SLC33A1: variants seen among roughly 807,000 people sequenced by gnomAD.
SLC33A1 encodes the protein acetyl-coenzyme A transporter 1.
SLC33A1 carries 20 observed loss-of-function variants against 50.0 expected under a neutral mutation model. That is an observed-to-expected ratio of 0.40 (90% CI 0.28 to 0.58). SLC33A1 has a LOEUF of 0.58. SLC33A1 is among the 20% of genes least tolerant of loss of function. The probability of loss-of-function intolerance (pLI) is 0.44; values close to 1 mark genes in which losing one functional copy is unlikely to be tolerated. For synonymous variants in SLC33A1, 265 were observed against 251.8 expected, an observed-to-expected ratio of 1.05 and a Z score of -0.50; for missense variants, 476 against 657.0, an observed-to-expected ratio of 0.72 and a Z score of 3.01.
chr3:155,833,290 G>A (rs1752520212), intron 4 of SLC33A1, among the ~76,000 whole-genome samples, 178 bp downstream of exon 4: 1 of 152,104 alleles, frequency 6.6e-6, no homozygotes, highest in Non-Finnish European at 1.5e-5. Context: ...CTCTTTCTAT[G>A]AACAGCAGAA....
rs1236274749 is a variant in SLC33A1, at chr3:155,833,902, G to C, written c.1103C>G (p.Ala368Gly). ...AAATGTGTTTAATGGCTGGGGACCT[G>C]CAGTGTATTTGCTGATAATCAGAGG... ...ILPLIISKYT[A>G]GPQPLNTFYK... The change falls in exon 3 of 6, where the codon GCA (alanine) becomes GGA (glycine). Residue 368 changes from alanine to glycine, a missense_variant. Coordinates refer to ENST00000643144, the MANE Select transcript of SLC33A1 (RefSeq NM_004733.4). 1 of 1,613,794 alleles carries C rather than the reference G, an allele frequency of 6.2e-7. No homozygotes were observed. The highest frequency in any genetic ancestry group is 2.2e-5 in the East Asian group (1 of 44,854).
Position 155,853,495 on chromosome 3 carries a change from T to G in SLC33A1, c.503A>C (p.Asn168Thr). 6.2e-7 allele frequency: 1 copy of G among 1,614,092 alleles called. No individual in the cohort carries two copies. The highest frequency in any genetic ancestry group is 8.5e-7 in the Non-Finnish European group (1 of 1,180,002). ...LSTQVDRLLGNTDDRTPDVIA... is the reference protein window; with the variant it reads ...LSTQVDRLLGTTDDRTPDVIA... ...CACGTCGGGTGTTCTGTCATCGGTA[T>G]TCCCAAGCAAACGGTCCACCTGAGT... Residue 168 changes from asparagine to threonine, a missense_variant, in exon 1 of 6, where the codon AAT becomes ACT. Coordinates refer to ENST00000643144, the MANE Select transcript of SLC33A1 (RefSeq NM_004733.4).
At chr3:155,837,229 G>A (rs768579363) in intron 2 of SLC33A1, among the ~76,000 whole-genome samples, 4 of 151,976 alleles carry the variant, frequency 2.6e-5, no homozygotes, top group Admixed American at 6.6e-5. Context: ...GGTGGTGGGT[G>A]CCTGTAGTCC....
In SLC33A1 at chr3:155,827,442, A is replaced by T. The variant is rs1752234679; in HGVS notation, c.*768T>A. On this transcript the variant is annotated 3_prime_UTR_variant, in exon 6 of 6. Transcript: ENST00000643144. ...GTGTGCCAGGAAGCACTTGTGACAG[A>T]AAACATATATAAGCTTAGGGTAAAA... 2 of 152,196 alleles carry T rather than the reference A, an allele frequency of 1.3e-5. No individual in the cohort carries two copies. The highest frequency in any genetic ancestry group is 2.9e-5 in the Non-Finnish European group (2 of 68,032). 9.4% of individuals were successfully genotyped at this position (152,196 alleles called of 1,614,324 possible).
intron 4 of SLC33A1, among the ~76,000 whole-genome samples, chr3:155,830,987 G>A (rs1394591258): frequency 6.6e-6 from 1 of 152,104 alleles, no homozygotes; most frequent in Non-Finnish European, 1.5e-5. Context: ...GAGTTCCAAA[G>A]TCAAATAAGA....
chr3:155,833,521 C>T lies in SLC33A1; in HGVS notation c.1213G>A (p.Gly405Arg), dbSNP rs774339001. The change falls in exon 4 of 6, where the codon GGA (glycine) becomes AGA (arginine). Residue 405 changes from glycine (G) to arginine (R), a missense_variant. Physicochemically the swap from Gly to Arg is moderately radical, Grantham distance 125 (BLOSUM62 -2). Transcript: ENST00000643144. The part of the protein sequence containing the change: ...WWTPKVEHQG[G>R]FPIYYYIVVL... ...ACGATATAGTAATATATAGGGAATCCCCCTTGATGTTCTACTTTAGGAGTC... is the reference window on the plus strand; with the variant it reads ...ACGATATAGTAATATATAGGGAATCTCCCTTGATGTTCTACTTTAGGAGTC... 1.9e-6 allele frequency: 3 copies of T among 1,604,096 alleles called. No individual in the cohort carries two copies. The highest frequency in any genetic ancestry group is 2.7e-5 in the African/African-American group (2 of 74,642).
chr3:155,847,996 A>C (rs1490510812), intron 1 of SLC33A1, among the ~76,000 whole-genome samples: 2 of 152,070 alleles, frequency 1.3e-5, no homozygotes, highest in Non-Finnish European at 2.9e-5. Context: ...ACCCAAATAC[A>C]CTGCTCCCTA....
Position 155,821,507 on chromosome 3 carries a change from C to T in SLC33A1, c.*6703G>A, listed in dbSNP as rs1323043245. 6.6e-6 allele frequency: 1 copy of T among 152,184 alleles called. No homozygotes were observed. The highest frequency in any genetic ancestry group is 2.4e-5 in the African/African-American group (1 of 41,428). The allele number at this position is 152,184 out of a possible 1,614,324, so 9.4% of individuals were successfully genotyped here. Reference sequence around the variant, plus strand: ...TTTGAGACAGAGTTTCGCTCTTGCACCCAGGCTGGAGTGCGATGGTGCGAT... The same window carrying T: ...TTTGAGACAGAGTTTCGCTCTTGCATCCAGGCTGGAGTGCGATGGTGCGAT... On this transcript the variant is annotated 3_prime_UTR_variant, in exon 6 of 6. Coordinates refer to ENST00000643144, the MANE Select transcript of SLC33A1 (RefSeq NM_004733.4).
Position 155,822,943 on chromosome 3 carries a change from T to A in SLC33A1, c.*5267A>T, listed in dbSNP as rs1014926608. 1.3e-5 allele frequency: 2 copies of A among 152,136 alleles called. No individual in the cohort carries two copies. Among genetic ancestry groups the A allele is most frequent in the African/African-American group, 4.8e-5 (2 of 41,426 alleles). The allele number at this position is 152,136 out of a possible 1,614,324, so 9.4% of individuals were successfully genotyped here. A position where few individuals can be genotyped will look rare whatever the true frequency, so the allele number is the denominator to read the frequency against. On this transcript the variant is annotated 3_prime_UTR_variant, in exon 6 of 6. Transcript: ENST00000643144. ...TCGATCTCCTGAGCTCAAGCAATAC[T>A]CCTACCTTGGCATCCCAAAGTGTTG...
chr3:155,832,956 A>G (rs1293753522), intron 4 of SLC33A1, among the ~76,000 whole-genome samples: 1 of 152,096 alleles, frequency 6.6e-6, no homozygotes, highest in African/African-American at 2.4e-5. Context: ...TGAATGAATA[A>G]GAAAGTCTCT....
At chr3:155,837,484 G>A (rs553293181) in intron 2 of SLC33A1, among the ~76,000 whole-genome samples, 97 of 152,040 alleles carry the variant, frequency 6.4e-4, no homozygotes, top group Non-Finnish European at 1.2e-3. Context: ...CTATTTGGCA[G>A]TACAAAATAC....
At chr3:155,849,954 T>TAATAATAATAAC (rs1159621347) in intron 1 of SLC33A1, among the ~76,000 whole-genome samples, 2 of 138,178 alleles carry the variant, frequency 1.4e-5, no homozygotes, top group Middle Eastern at 3.6e-3. Context: ...ATAATAATAA[T>TAATAATAATAAC]AACAATTCAC....
At position 155,824,212 on chromosome 3, in the gene SLC33A1, T is replaced by A. The variant is rs1331284333; in HGVS notation, c.*3998A>T. 1.3e-5 allele frequency: 2 copies of A among 152,220 alleles called. No individual in the cohort carries two copies. The highest frequency in any genetic ancestry group is 6.5e-5 in the Admixed American group (1 of 15,278). The allele number at this position is 152,220 out of a possible 1,614,324, so 9.4% of individuals were successfully genotyped here. ...TTATTTTCTTTCTCTAATAATAAGG[T>A]AAAATACATTTTGGAAATCTGCATG... On this transcript the variant is annotated 3_prime_UTR_variant, in exon 6 of 6. Coordinates refer to ENST00000643144, the MANE Select transcript of SLC33A1 (RefSeq NM_004733.4).
chr3:155,852,198 TAATTC>T (rs1387316732), intron 1 of SLC33A1, among the ~76,000 whole-genome samples: 1 of 152,120 alleles, frequency 6.6e-6, no homozygotes, highest in African/African-American at 2.4e-5. Context: ...TTCACACTTA[TAATTC>T]CCAGTACTTT....
intron 2 of SLC33A1, among the ~76,000 whole-genome samples, chr3:155,842,132 T>C (rs1752960749): frequency 6.6e-6 from 1 of 152,208 alleles, no homozygotes; most frequent in South Asian, 2.1e-4. Flanking sequence ...GACAGAGCTA[T>C]TGATTTTTAA....
chr3:155,852,487 G>A lies in SLC33A1; in HGVS notation c.775+736C>T, dbSNP rs143332167. Among the ~76,000 whole-genome samples the A allele has an allele frequency of 5.3e-5, 8 of 152,278 alleles. No individual in the cohort carries two copies. In the South Asian group the frequency reaches 6.2e-4, roughly 12 times the overall value. On this transcript the variant is annotated intron_variant, in intron 1 of 5. Coordinates refer to ENST00000643144, the MANE Select transcript of SLC33A1 (RefSeq NM_004733.4). ...ATTTAGTCACAGCCTTTCTCAGCAC[G>A]ATTTCCCAAACCCAGTTCCACAATT...
Position 155,854,102 on chromosome 3 carries a change from G to A in SLC33A1, c.-105C>T, listed in dbSNP as rs1753529966. 3.3e-6 allele frequency: 3 copies of A among 911,296 alleles called. No individual in the cohort carries two copies. The allele number at this position is 911,296 out of a possible 1,614,324, so 56.5% of individuals were successfully genotyped here. A position where few individuals can be genotyped will look rare whatever the true frequency, so the allele number is the denominator to read the frequency against. ...GTCGCGCTGGACCAGGGTTTCGGTG[G>A]TTCACGGGATGGTGGCAGGGCTCAG... is the stretch of plus-strand genomic sequence containing the variant. On this transcript the variant is annotated 5_prime_UTR_variant, in exon 1 of 6. Transcript: ENST00000643144.
In SLC33A1 at chr3:155,854,302, C is replaced by G; in HGVS notation, c.-305G>C. The G allele has an allele frequency of 3.4e-6, 1 of 291,460 alleles. No homozygotes were observed. The highest frequency in any genetic ancestry group is 5.7e-5 in the East Asian group (1 of 17,488). The allele number at this position is 291,460 out of a possible 1,614,324, so 18.1% of individuals were successfully genotyped here. Reference sequence around the variant, plus strand: ...AGGCTGGAGGTGTGTGCCGTGGTGCCAGGATGGAAACCAGCTCCTACCTGC... The same window carrying G: ...AGGCTGGAGGTGTGTGCCGTGGTGCGAGGATGGAAACCAGCTCCTACCTGC... On this transcript the variant is annotated 5_prime_UTR_variant, in exon 1 of 6. Coordinates refer to ENST00000643144, the MANE Select transcript of SLC33A1 (RefSeq NM_004733.4).
Position 155,836,305 on chromosome 3 carries a change from AAAAAAAAAG to A in SLC33A1, c.964-2273_964-2265del, listed in dbSNP as rs1560015323. On this transcript the variant is annotated intron_variant, in intron 2 of 5. Coordinates refer to ENST00000643144, the MANE Select transcript of SLC33A1 (RefSeq NM_004733.4). Reference sequence around the variant, plus strand: ...CAAAAAAAAAAAAAAAAAAAAAAAAAAAAAAAAAGGAAAGAAAGAAAAAAAGAAAGAAAG... The same window carrying A: ...CAAAAAAAAAAAAAAAAAAAAAAAAAGAAAGAAAGAAAAAAAGAAAGAAAG... 2.6e-3 allele frequency among the ~76,000 whole-genome samples: 379 copies of A among 144,090 alleles called. 2 individuals are homozygous for A. The highest frequency in any genetic ancestry group is 7.4e-3 in the South Asian group (35 of 4,728). The allele number at this position is 144,090 out of a possible 152,430, so 94.5% of individuals were successfully genotyped here.
Sources: gnomAD v4.1 joint callset for allele counts (sites outside exome capture counted in the v4.1 genomes callset) on GRCh38, gnomAD v4.1.1 for gene constraint, MANE v1.5 for transcripts, NCBI Gene and HGNC (gene_info 2026-07-23, HGNC 2026-07-21) for gene names.